The following TBCD variants were observed in gnomAD, a reference collection of about 807,000 sequenced individuals.
TBCD encodes the protein tubulin folding cofactor D.
TBCD carries 105 observed loss-of-function variants against 169.3 expected under a neutral mutation model. The ratio of observed to expected loss-of-function variants is 0.62; its 90% confidence interval spans 0.53 to 0.73. The LOEUF (loss-of-function observed/expected upper bound fraction) is 0.73, where lower values mean the gene tolerates loss of function less well. TBCD is among the 30% of genes least tolerant of loss of function. The pLI, the probability that TBCD is intolerant of heterozygous loss-of-function variation, is 0.00. For missense variants in TBCD, 1,444 were observed against 1,600.1 expected (o/e 0.90, Z 1.66); for synonymous variants, 700 against 643.9 (o/e 1.09, Z -1.32).
chr17:82,859,074 C>T (rs1227253848), intron 13 of TBCD, among the ~76,000 whole-genome samples: 4 of 152,100 alleles, frequency 2.6e-5, no homozygotes, highest in Non-Finnish European at 5.9e-5. Context: ...GTCCTCCCCG[C>T]ACTGGCTTTT....
intron 13 of TBCD, among the ~76,000 whole-genome samples, chr17:82,829,230 C>T (rs978648560): frequency 1.3e-5 from 2 of 151,384 alleles, no homozygotes; most frequent in Admixed American, 6.6e-5. Flanking sequence ...CAAATGTGCA[C>T]GTGCATCTGC....
chr17:82,762,825 A>G (rs1201670591), intron 2 of TBCD, among the ~76,000 whole-genome samples: 2 of 151,874 alleles, frequency 1.3e-5, no homozygotes, highest in Non-Finnish European at 2.9e-5. Context: ...CATTTCTACC[A>G]ACAAGGTATG....
chr17:82,839,037 A>C, intron 13 of TBCD: 1 of 943,484 alleles, frequency 1.1e-6, no homozygotes, highest in Non-Finnish European at 1.3e-6. Flanking sequence ...ATCTGTGTCT[A>C]TATGTACAGA....
chr17:82,774,567 A>G (rs1037586918), intron 6 of TBCD, among the ~76,000 whole-genome samples: 1 of 151,988 alleles, frequency 6.6e-6, no homozygotes, highest in African/African-American at 2.4e-5. Context: ...TGTTGGGTAC[A>G]CCTCCCAGAC....
At position 82,833,411 on chromosome 17, in the gene TBCD, G is replaced by T. The variant is rs368058324; in HGVS notation, c.1318+18477G>T. ...GCTTGTTTAAAAATGAAGAACATTC[G>T]AACACAAGACTCTACCCTACTGCTT... On this transcript the variant is annotated intron_variant, in intron 13 of 38. Coordinates refer to ENST00000355528, the MANE Select transcript of TBCD (RefSeq NM_005993.5). This position sits in a 1 kb window ranked among gnomAD's most constrained non-coding sequence, Gnocchi z 4.7. 6.6e-6 allele frequency among the ~76,000 whole-genome samples: 1 copy of T among 152,100 alleles called. No individual in the cohort carries two copies. The highest frequency in any genetic ancestry group is 2.1e-4 in the South Asian group (1 of 4,828).
At chr17:82,770,182 T>C (rs191989716) in intron 5 of TBCD, among the ~76,000 whole-genome samples, 145 of 152,344 alleles carry the variant, frequency 9.5e-4, no homozygotes, top group African/African-American at 2.7e-3. Flanking sequence ...TCTTAGTGTC[T>C]TACGATGTCA....
At chr17:82,784,342 C>T (rs550647736) in intron 7 of TBCD, among the ~76,000 whole-genome samples, 4 of 152,278 alleles carry the variant, frequency 2.6e-5, no homozygotes, top group Admixed American at 2.0e-4. Flanking sequence ...GATGTGCTGT[C>T]TGTGTCCCCA....
intron 14 of TBCD, among the ~76,000 whole-genome samples, chr17:82,883,137 T>C (rs9747628): frequency 0.12 from 18,865 of 152,308 alleles, 1,319 homozygotes; most frequent in South Asian, 0.29. Context: ...GCGTCCTTCA[T>C]GTTGACGCGG....
chr17:82,830,354 C>T (rs1404974378), intron 13 of TBCD: 2 of 1,613,602 alleles, frequency 1.2e-6, no homozygotes, highest in South Asian at 2.2e-5. Context: ...GCAGCATCCC[C>T]ATCGCCCACC....
intron 36 of TBCD, chr17:82,939,022 A>G: frequency 2.6e-6 from 1 of 386,356 alleles, no homozygotes; most frequent in Non-Finnish European, 4.8e-6. Flanking sequence ...AGCAGGCGAG[A>G]TTGCTTCTCT....
At chr17:82,766,766 A>G (rs1813240430) in intron 4 of TBCD, among the ~76,000 whole-genome samples, 1 of 152,216 alleles carries the variant, frequency 6.6e-6, no homozygotes, top group African/African-American at 2.4e-5. Context: ...TGGCAAAATA[A>G]TACACAGCAA....
chr17:82,909,156 A>T, intron 21 of TBCD, 129 bp from the exon 22 acceptor site: 1 of 690,424 alleles, frequency 1.4e-6, no homozygotes, highest in Non-Finnish European at 2.4e-6. Context: ...TCAGCCCCCT[A>T]GGCGGCTCTC....
At chr17:82,870,455 GGT>G in intron 14 of TBCD, 75 bp downstream of exon 14, 1 of 1,534,888 alleles carries the variant, frequency 6.5e-7, no homozygotes, top group Non-Finnish European at 8.8e-7. Flanking sequence ...CTCCATGAGA[GGT>G]GTGCACAGCA....
chr17:82,787,375 C>G (rs2049394858), intron 7 of TBCD, among the ~76,000 whole-genome samples: 1 of 152,242 alleles, frequency 6.6e-6, no homozygotes, highest in African/African-American at 2.4e-5. Context: ...TCTGGCAGCT[C>G]CTGGGGCCAG....
intron 26 of TBCD, among the ~76,000 whole-genome samples, chr17:82,924,486 T>C (rs758238466): frequency 2.6e-4 from 39 of 152,244 alleles, no homozygotes; most frequent in South Asian, 4.1e-4. Context: ...AATCGTACTT[T>C]TATTTTTAAA....
chr17:82,786,875 A>C (rs531573331), intron 7 of TBCD, among the ~76,000 whole-genome samples: 26 of 119,160 alleles, frequency 2.2e-4, no homozygotes, highest in African/African-American at 7.0e-4. Context: ...ATTGTTCCCA[A>C]GTTTTCTGTT....
intron 38 of TBCD, chr17:82,941,893 C>T (rs1008422434): frequency 4.0e-5 from 8 of 199,812 alleles, no homozygotes; most frequent in East Asian, 1.3e-4. Flanking sequence ...CTCACCAGCC[C>T]GTCACTCTTC....
At chr17:82,827,239 C>G (rs2052933648) in intron 13 of TBCD, among the ~76,000 whole-genome samples, 1 of 152,250 alleles carries the variant, frequency 6.6e-6, no homozygotes, top group African/African-American at 2.4e-5. Flanking sequence ...GTAGGGTGGC[C>G]TCAGTCCTGT....
In TBCD at chr17:82,861,120, TGCTGCTGGTGGGGGTCA is replaced by T. The variant is rs1325139923; in HGVS notation, c.1319-9098_1319-9082del. Among the ~76,000 whole-genome samples the T allele has an allele frequency of 5.9e-5, 9 of 152,218 alleles. No homozygotes were observed. The East Asian group carries it at 9.6e-4, about 16-fold the overall frequency. On this transcript the variant is annotated intron_variant, in intron 13 of 38. Transcript: ENST00000355528. The stretch of plus-strand genomic sequence containing the variant: ...GGTTGGGGTGGTCCCTGTCACCGCC[TGCTGCTGGTGGGGGTCA>T]GCTGCACGGATGCACGGCCTCGCAC...
Sources: allele counts gnomAD v4.1 joint callset (sites outside exome capture counted in the v4.1 genomes callset), GRCh38; gene constraint gnomAD v4.1.1; non-coding constraint Gnocchi (gnomAD v3.1); transcripts MANE v1.5; gene names NCBI Gene and HGNC (gene_info 2026-07-23, HGNC 2026-07-21).